The following ARHGAP35 variants were observed in gnomAD, a reference collection of about 807,000 sequenced individuals.
ARHGAP35 encodes the protein Rho GTPase activating protein 35.
Under a neutral mutation model 111.1 loss-of-function variants are expected in ARHGAP35, and 15 were observed. The observed-to-expected ratio is 0.13, with a 90% CI of 0.09 to 0.21. The LOEUF is 0.21. Ranked by LOEUF, ARHGAP35 falls within the 10% of genes least tolerant of loss-of-function variation. ARHGAP35 has a pLI of 1.00. For missense variants in ARHGAP35, 1,262 were observed against 1,873.0 expected (o/e 0.67, Z 6.02); for synonymous variants, 643 against 710.3 (o/e 0.91, Z 1.51).
chr19:46,903,528 A>G (rs1228904879), intron 1 of ARHGAP35, among the ~76,000 whole-genome samples: 2 of 152,204 alleles, frequency 1.3e-5, no homozygotes, highest in Non-Finnish European at 2.9e-5. Flanking sequence ...TATGCTTTTG[A>G]TAATTTGGAC....
chr19:46,923,102 CTTTTTTTTTTT>C (rs397976247), intron 2 of ARHGAP35, among the ~76,000 whole-genome samples: 5 of 123,660 alleles, frequency 4.0e-5, no homozygotes, highest in African/African-American at 9.6e-5. Flanking sequence ...AATGAAGTCT[CTTTTTTTTTTT>C]TTTTTTTTTG....
chr19:46,912,641 C>T (rs892796004), intron 1 of ARHGAP35, among the ~76,000 whole-genome samples: 2 of 152,160 alleles, frequency 1.3e-5, no homozygotes, highest in Non-Finnish European at 2.9e-5. Context: ...CAGGCATGAG[C>T]CACTGCTCCT....
At position 47,002,511 on chromosome 19, in the gene ARHGAP35, G is replaced by A. The variant is rs911502729; in HGVS notation, c.*1823G>A. The A allele has an allele frequency of 1.3e-5, 2 of 152,258 alleles. No individual in the cohort carries two copies. Among genetic ancestry groups the A allele is most frequent in the African/African-American group, 4.8e-5 (2 of 41,438 alleles). 9.4% of individuals were successfully genotyped at this position (152,258 alleles called of 1,614,324 possible). A position where few individuals can be genotyped will look rare whatever the true frequency, so the allele number is the denominator to read the frequency against. On this transcript the variant is annotated 3_prime_UTR_variant, in exon 7 of 7. Coordinates refer to ENST00000672722, the MANE Select transcript of ARHGAP35 (RefSeq NM_004491.5). Reference sequence around the variant, plus strand: ...ATGATGAATTTTTGTCTCTTCTGGTGGAGCTGTGCCTGGCCCTGTAGGCCC... The same window carrying A: ...ATGATGAATTTTTGTCTCTTCTGGTAGAGCTGTGCCTGGCCCTGTAGGCCC...
At chr19:46,914,671 G>A (rs770635688) in intron 1 of ARHGAP35, among the ~76,000 whole-genome samples, 17 of 152,092 alleles carry the variant, frequency 1.1e-4, no homozygotes, top group Non-Finnish European at 2.4e-4. Flanking sequence ...GCTTTCTTTA[G>A]CATCCTTCAA....
chr19:46,917,756 C>T (rs964587839), intron 1 of ARHGAP35, among the ~76,000 whole-genome samples: 10 of 151,974 alleles, frequency 6.6e-5, no homozygotes, highest in African/African-American at 2.4e-4. Context: ...CTCTGTTGCC[C>T]AGGCTGGAGT....
At position 46,875,650 on chromosome 19, in the gene ARHGAP35, AT is replaced by A. The variant is rs146232256; in HGVS notation, c.-189+14446del. ...CTATTTTGCTTGCCACAGTCTTTTT[AT>A]TTTTATTTTTTGAGAACTAAATACC... On this transcript the variant is annotated intron_variant, in intron 1 of 6. Coordinates refer to ENST00000672722, the MANE Select transcript of ARHGAP35 (RefSeq NM_004491.5). Among the ~76,000 whole-genome samples, 1,196 of 152,172 alleles carry A rather than the reference AT, an allele frequency of 7.9e-3. 12 individuals carry two copies. The highest frequency in any genetic ancestry group is 0.027 in the African/African-American group (1,122 of 41,486).
In ARHGAP35 at chr19:46,999,511, C is replaced by G. The variant is rs916906419; in HGVS notation, c.4142+102C>G. 2.6e-5 allele frequency: 21 copies of G among 807,432 alleles called. No individual in the cohort carries two copies. The highest frequency in any genetic ancestry group is 5.2e-5 in the African/African-American group (3 of 57,850). 50.0% of individuals were successfully genotyped at this position (807,432 alleles called of 1,614,324 possible). ...TCTGTCCACAAGCCAGTAGAAGCCTCAGGCCCTGGCCTGGAAGGGGTGCTG... is the reference window on the plus strand; with the variant it reads ...TCTGTCCACAAGCCAGTAGAAGCCTGAGGCCCTGGCCTGGAAGGGGTGCTG... On this transcript the variant is annotated intron_variant, in intron 6 of 6. Coordinates refer to ENST00000672722, the MANE Select transcript of ARHGAP35 (RefSeq NM_004491.5). The surrounding 1 kb of genome is among the most constrained non-coding windows in gnomAD (Gnocchi z 5.4).
chr19:46,944,234 G>C (rs2056365550), intron 3 of ARHGAP35, among the ~76,000 whole-genome samples: 1 of 151,460 alleles, frequency 6.6e-6, no homozygotes, highest in Admixed American at 6.6e-5. Context: ...AGAAGGTTGA[G>C]GTTACAGTAA....
intron 1 of ARHGAP35, among the ~76,000 whole-genome samples, chr19:46,907,478 T>TTTTGTTTGTTTG (rs56161001): frequency 5.4e-5 from 8 of 147,484 alleles, no homozygotes; most frequent in African/African-American, 1.0e-4. Context: ...TAGCTTCTTT[T>TTTTGTTTGTTTG]TTTGTTTGTT....
intron 1 of ARHGAP35, among the ~76,000 whole-genome samples, chr19:46,907,542 G>A (rs982419332): frequency 1.3e-5 from 2 of 151,094 alleles, no homozygotes; most frequent in Non-Finnish European, 2.9e-5. Context: ...GCAGTGGCGC[G>A]AACTCGGCTC....
intron 3 of ARHGAP35, among the ~76,000 whole-genome samples, chr19:46,951,310 G>T (rs1425545897): frequency 6.6e-6 from 1 of 152,236 alleles, no homozygotes; most frequent in Non-Finnish European, 1.5e-5. Flanking sequence ...CAGGACAGGG[G>T]GCGGGGATGG....
intron 3 of ARHGAP35, among the ~76,000 whole-genome samples, chr19:46,937,713 T>C (rs1599833374): frequency 6.6e-6 from 1 of 152,246 alleles, no homozygotes; most frequent in Non-Finnish European, 1.5e-5. Context: ...ATCAGCACTC[T>C]GTCAGTTGCC....
intron 1 of ARHGAP35, among the ~76,000 whole-genome samples, chr19:46,912,607 C>T (rs950166589): frequency 6.6e-6 from 1 of 152,118 alleles, no homozygotes; most frequent in Non-Finnish European, 1.5e-5. Context: ...CTGCCCACCT[C>T]GGCCTCCCAA....
intron 3 of ARHGAP35, among the ~76,000 whole-genome samples, chr19:46,978,834 G>T (rs369737562): frequency 1.7e-4 from 23 of 132,242 alleles, no homozygotes; most frequent in African/African-American, 6.9e-4. Context: ...TGTGTGGTGG[G>T]GGATTTGTGT....
chr19:46,974,409 G>A (rs1208135415), intron 3 of ARHGAP35, among the ~76,000 whole-genome samples: 1 of 152,126 alleles, frequency 6.6e-6, no homozygotes, highest in Non-Finnish European at 1.5e-5. Context: ...TCCTCCCTGG[G>A]TTCCATAATT....
intron 1 of ARHGAP35, among the ~76,000 whole-genome samples, chr19:46,911,624 G>A (rs2122182232): frequency 6.6e-6 from 1 of 152,264 alleles, no homozygotes. Context: ...GAGTTTGATG[G>A]AATCCTTCTG....
At position 46,920,113 on chromosome 19, in the gene ARHGAP35, C is replaced by T; in HGVS notation, c.1438C>T (p.His480Tyr). 6.2e-7 allele frequency: 1 copy of T among 1,613,874 alleles called. No individual in the cohort carries two copies. Among genetic ancestry groups the T allele is most frequent in the Non-Finnish European group, 8.5e-7 (1 of 1,179,874 alleles). ...TGTATACATGGATATTTATGGCAAA[C>T]ACCAAAAGCAAATTATAGATAAAGC... ...ESVYMDIYGK[H>Y]QKQIIDKAKE... The change falls in exon 2 of 7, where the codon CAC becomes TAC. Residue 480 changes from histidine (H) to tyrosine (Y), a missense_variant. Transcript: ENST00000672722. This position sits in a 1 kb window ranked among gnomAD's most constrained non-coding sequence, Gnocchi z 7.0.
intron 3 of ARHGAP35, among the ~76,000 whole-genome samples, chr19:46,966,426 G>A (rs2056515541): frequency 6.6e-6 from 1 of 152,082 alleles, no homozygotes; most frequent in African/African-American, 2.4e-5. Flanking sequence ...GTGCATACCT[G>A]TAGTCCTGGC....
intron 1 of ARHGAP35, among the ~76,000 whole-genome samples, chr19:46,879,047 A>G (rs924063799): frequency 6.6e-6 from 1 of 152,206 alleles, no homozygotes; most frequent in African/African-American, 2.4e-5. Flanking sequence ...ATTAGAGTCA[A>G]TCCTCTGAAA....
Sources: allele counts gnomAD v4.1 joint callset (sites outside exome capture counted in the v4.1 genomes callset), GRCh38; gene constraint gnomAD v4.1.1; non-coding constraint Gnocchi (gnomAD v3.1); transcripts MANE v1.5; gene names NCBI Gene and HGNC (gene_info 2026-07-23, HGNC 2026-07-21).